Variants in JAK1 observed in about 807,000 individuals in gnomAD.
JAK1 encodes the protein Janus kinase 1.
JAK1 carries 16 observed loss-of-function variants against 136.6 expected under a neutral mutation model. The ratio of observed to expected loss-of-function variants is 0.12; its 90% CI spans 0.08 to 0.18. JAK1 has a LOEUF of 0.18. Ranked by LOEUF, JAK1 falls within the 10% of genes least tolerant of loss-of-function variation. The pLI is 1.00. For synonymous variants in JAK1, 492 were observed against 519.5 expected, an observed-to-expected ratio of 0.95 and a Z score of 0.72; for missense variants, 859 against 1,450.1, an observed-to-expected ratio of 0.59 and a Z score of 6.62.
chr1:65,041,692 C>CTA (rs1647134872), intron 2 of JAK1, among the ~76,000 whole-genome samples: 1 of 152,136 alleles, frequency 6.6e-6, no homozygotes. Context: ...AATACTTATA[C>CTA]TATATATACA....
At chr1:65,025,634 G>GA (rs1187244871) in intron 2 of JAK1, among the ~76,000 whole-genome samples, 5 of 151,822 alleles carry the variant, frequency 3.3e-5, no homozygotes, top group African/African-American at 9.7e-5. Context: ...TATGACCTTG[G>GA]AAAAAATCAC....
At chr1:64,869,270 C>T in intron 6 of JAK1, 41 bp downstream of exon 6, 2 of 1,589,090 alleles carry the variant, frequency 1.3e-6, no homozygotes, top group Non-Finnish European at 1.7e-6. Context: ...AGAAACACCA[C>T]CATCCTCACA....
intron 2 of JAK1, among the ~76,000 whole-genome samples, chr1:64,983,139 GA>G (rs1646565166): frequency 6.6e-6 from 1 of 152,100 alleles, no homozygotes; most frequent in African/African-American, 2.4e-5. Context: ...AGCAACATAG[GA>G]AAAAGGGGGC....
chr1:65,039,954 C>T (rs2100833078), intron 2 of JAK1, among the ~76,000 whole-genome samples: 1 of 152,122 alleles, frequency 6.6e-6, no homozygotes, highest in East Asian at 1.9e-4. Context: ...GTGGCTTACA[C>T]CTGTAATCCC....
At chr1:65,038,095 C>T (rs1386695242) in intron 2 of JAK1, among the ~76,000 whole-genome samples, 3 of 152,108 alleles carry the variant, frequency 2.0e-5, no homozygotes, top group South Asian at 4.1e-4. Flanking sequence ...TGGGGCCATC[C>T]GGGTGCACAA....
At chr1:64,908,770 T>C (rs949624765) in intron 1 of JAK1, among the ~76,000 whole-genome samples, 6 of 152,076 alleles carry the variant, frequency 3.9e-5, no homozygotes, top group African/African-American at 1.4e-4. Context: ...CTTGTTAAAA[T>C]AAAGATTCAG....
At chr1:64,882,464 A>G (rs1271775817) in intron 3 of JAK1, among the ~76,000 whole-genome samples, 3 of 152,220 alleles carry the variant, frequency 2.0e-5, no homozygotes, top group African/African-American at 7.2e-5. Flanking sequence ...AAATTCACCA[A>G]TTTTTAAGTG....
intron 1 of JAK1, among the ~76,000 whole-genome samples, chr1:64,957,207 C>T (rs1003971960): frequency 6.6e-6 from 1 of 151,980 alleles, no homozygotes. Context: ...AGGAGAGGTG[C>T]TCTAGGGGCA....
At chr1:64,877,797 T>TC (rs1644697632) in intron 4 of JAK1, among the ~76,000 whole-genome samples, 1 of 151,992 alleles carries the variant, frequency 6.6e-6, no homozygotes, top group African/African-American at 2.4e-5. Flanking sequence ...ACACAGCCAA[T>TC]CCCCAGGCCA....
intron 20 of JAK1, chr1:64,839,368 G>A: frequency 2.4e-6 from 1 of 424,842 alleles, no homozygotes; most frequent in Non-Finnish European, 4.2e-6. Context: ...AAGTGACGTG[G>A]AGAGACAGTG....
At chr1:64,853,452 T>C (rs990509854) in intron 11 of JAK1, among the ~76,000 whole-genome samples, 4 of 152,212 alleles carry the variant, frequency 2.6e-5, no homozygotes, top group Non-Finnish European at 4.4e-5. Context: ...CTTGGGCATG[T>C]ATAATTGGGA....
In JAK1 at chr1:64,838,082, C is replaced by G; in HGVS notation, c.2990G>C (p.Arg997Pro). Reference sequence around the variant, plus strand: ...TGCCAAGTCCCGGTGAACGTATTGCCGAGAACCCAAATAGTCCATCCCCTG... The same window carrying G: ...TGCCAAGTCCCGGTGAACGTATTGCGGAGAACCCAAATAGTCCATCCCCTG... The part of the protein sequence containing the change: ...ICKGMDYLGS[R>P]QYVHRDLAAR... The change falls in exon 22 of 25, where the codon CGG (arginine) becomes CCG (proline). Residue 997 changes from arginine to proline, a missense_variant. By Grantham distance (103) the Arg-to-Pro change is moderately radical (BLOSUM62 -2). Transcript: ENST00000342505. 6.2e-7 allele frequency: 1 copy of G among 1,613,982 alleles called. No homozygotes were observed. The highest frequency in any genetic ancestry group is 8.5e-7 in the Non-Finnish European group (1 of 1,179,920).
chr1:64,994,678 C>G (rs979371786), intron 2 of JAK1, among the ~76,000 whole-genome samples: 1 of 152,120 alleles, frequency 6.6e-6, no homozygotes, highest in African/African-American at 2.4e-5. Flanking sequence ...TCAACACATG[C>G]TTTTTTGGGG....
chr1:64,988,933 T>A (rs1366989773), intron 2 of JAK1, among the ~76,000 whole-genome samples: 1 of 145,076 alleles, frequency 6.9e-6, no homozygotes, highest in African/African-American at 2.6e-5. Flanking sequence ...TGTATGTGTA[T>A]ATATATATGT....
chr1:64,864,610 G>A (rs1284594432), intron 8 of JAK1, among the ~76,000 whole-genome samples, 177 bp downstream of exon 8: 3 of 152,182 alleles, frequency 2.0e-5, no homozygotes, highest in Non-Finnish European at 2.9e-5. Flanking sequence ...GGAATGTATC[G>A]GTGTAACTTT....
At chr1:64,837,373 G>A (rs1378672071) in intron 22 of JAK1, among the ~76,000 whole-genome samples, 14 of 152,234 alleles carry the variant, frequency 9.2e-5, no homozygotes, top group Admixed American at 9.2e-4. Context: ...TTACGTGGCA[G>A]GGTGCGGTAG....
rs958983466 is a variant in JAK1 at position 64,864,935 on chromosome 1, C to T, written c.1028G>A (p.Arg343Gln). Residue 343 changes from arginine (R) to glutamine (Q), a missense_variant, in exon 8 of 25, where the codon CGG (arginine) becomes CAG (glutamine). Around this residue, in one of 4 missense-constraint regions of JAK1, gnomAD observed 353 missense variants for 494.0 expected, o/e 0.71. Coordinates refer to ENST00000342505, the MANE Select transcript of JAK1 (RefSeq NM_002227.4). ...SVEKEKNKLKRKKLENKHKKD... is the reference protein window; with the variant it reads ...SVEKEKNKLKQKKLENKHKKD... ...CTTGTGTTTATTTTCCAGTTTTTTCCGCTTCAGTTTATTTTTTTCCTTTTC... is the reference window on the plus strand; with the variant it reads ...CTTGTGTTTATTTTCCAGTTTTTTCTGCTTCAGTTTATTTTTTTCCTTTTC... 3.7e-6 allele frequency: 6 copies of T among 1,613,478 alleles called. No individual in the cohort carries two copies. The highest frequency in any genetic ancestry group is 1.3e-5 in the African/African-American group (1 of 74,914).
Position 64,904,745 on chromosome 1 carries a change from A to G in JAK1, c.-77-18404T>C, listed in dbSNP as rs187915103. Among the ~76,000 whole-genome samples, 103 of 111,108 alleles carry G rather than the reference A, an allele frequency of 9.3e-4. 3 individuals are homozygous for G. In the East Asian group the frequency reaches 0.023, roughly 24 times the overall value. 72.9% of individuals were successfully genotyped at this position (111,108 alleles called of 152,430 possible). A position where few individuals can be genotyped will look rare whatever the true frequency, so the allele number is the denominator to read the frequency against. ...ATATTCACATTCCCCACACACATAT[A>G]TACACACACACACACCCTATAAAAT... is the stretch of plus-strand genomic sequence containing the variant. On this transcript the variant is annotated intron_variant, in intron 1 of 24. Transcript: ENST00000342505.
intron 1 of JAK1, among the ~76,000 whole-genome samples, chr1:64,904,740 C>CAT (rs200903655): frequency 1.5e-3 from 157 of 103,416 alleles, no homozygotes; most frequent in Non-Finnish European, 3.0e-3. Context: ...TCCCCACACA[C>CAT]ATATATACAC....
Sources: allele counts gnomAD v4.1 joint callset (sites outside exome capture counted in the v4.1 genomes callset), GRCh38; gene constraint gnomAD v4.1.1; regional missense constraint gnomAD v4.1.1; transcripts MANE v1.5; gene names NCBI Gene and HGNC (gene_info 2026-07-23, HGNC 2026-07-21).